SLC6A20: variants seen among roughly 807,000 people sequenced by gnomAD.
The protein encoded by SLC6A20 is solute carrier family 6 member 20, also known as sodium- and chloride-dependent transporter XTRP3.
Under a neutral mutation model 64.3 loss-of-function variants are expected in SLC6A20, and 73 were observed. The observed-to-expected ratio is 1.14, with a 90% confidence interval of 0.94 to 1.38. SLC6A20 has a LOEUF of 1.38. Ranked by LOEUF, SLC6A20 falls within the 40% of genes most tolerant of loss-of-function variation. The pLI, the probability that SLC6A20 is intolerant of heterozygous loss-of-function variation, is 0.00. For synonymous variants in SLC6A20, 347 were observed against 329.6 expected, an observed-to-expected ratio of 1.05 and a Z score of -0.57; for missense variants, 725 against 772.8, an observed-to-expected ratio of 0.94 and a Z score of 0.73.
chr3:45,771,614 C>G, intron 5 of SLC6A20, 156 bp from the exon 6 acceptor site: 1 of 1,146,682 alleles, frequency 8.7e-7, no homozygotes, highest in Non-Finnish European at 1.2e-6. Context: ...TCTCCTGGCC[C>G]CATCCACTCC....
At chr3:45,781,964 G>A in intron 2 of SLC6A20, 119 bp downstream of exon 2, 3 of 1,328,344 alleles carry the variant, frequency 2.3e-6, no homozygotes, top group South Asian at 1.8e-5. Flanking sequence ...CCAGGCAAGA[G>A]CTCTCTCTTG....
intron 1 of SLC6A20, among the ~76,000 whole-genome samples, chr3:45,790,122 C>T (rs920883606): frequency 6.6e-5 from 10 of 152,106 alleles, no homozygotes; most frequent in South Asian, 4.1e-4. Flanking sequence ...CAGAGATGCC[C>T]GCCCGAGTCA....
chr3:45,758,407 T>C lies in SLC6A20; in HGVS notation c.*571A>G, dbSNP rs1418416911. On this transcript the variant is annotated 3_prime_UTR_variant, in exon 11 of 11. Transcript: ENST00000358525. ...CAGAGACCTTAGAGAAAGGATCCCT[T>C]TGGGGGTCCCAGACAAAGATCTTCT... The C allele has an allele frequency of 7.8e-6, 10 of 1,276,644 alleles. No individual in the cohort carries two copies. The highest frequency in any genetic ancestry group is 1.0e-5 in the Non-Finnish European group (10 of 983,324). The allele number at this position is 1,276,644 out of a possible 1,614,324, so 79.1% of individuals were successfully genotyped here.
intron 1 of SLC6A20, among the ~76,000 whole-genome samples, chr3:45,796,025 C>G (rs1057256329): frequency 6.6e-6 from 1 of 152,186 alleles, no homozygotes; most frequent in Non-Finnish European, 1.5e-5. Context: ...CTCTCAGAGC[C>G]GCAGCCTGGC....
chr3:45,758,983 C>T lies in SLC6A20; in HGVS notation c.1774G>A (p.Ala592Thr). 1 of 1,605,156 alleles carries T rather than the reference C, an allele frequency of 6.2e-7. No individual in the cohort carries two copies. Among genetic ancestry groups the T allele is most frequent in the Middle Eastern group, 1.7e-4 (1 of 6,016 alleles). The change falls in exon 11 of 11, where the codon GCC becomes ACC. Residue 592 changes from alanine (A) to threonine (T), a missense_variant. Physicochemically the swap from Ala to Thr is moderately conservative, Grantham distance 58. Coordinates refer to ENST00000358525, the MANE Select transcript of SLC6A20 (RefSeq NM_020208.4). ...RLKRGDADPV[A>T] ...GCGGCTGGGAAGCCCACATCTCAGG[C>T]CACGGGGTCTGCGTCTCCCCTCTTG...
At chr3:45,775,109 G>A (rs1233662115) in intron 4 of SLC6A20, among the ~76,000 whole-genome samples, 1 of 152,156 alleles carries the variant, frequency 6.6e-6, no homozygotes, top group Non-Finnish European at 1.5e-5. Context: ...TAGAGATGAA[G>A]GAACATGTCA....
intron 3 of SLC6A20, 35 bp downstream of exon 3, chr3:45,779,971 GCTC>G: frequency 6.4e-7 from 1 of 1,559,972 alleles, no homozygotes; most frequent in South Asian, 1.2e-5. Flanking sequence ...TCCCTTTCTC[GCTC>G]CTACTCCTGT....
rs532126121 is a variant in SLC6A20 at position 45,762,978 on chromosome 3, T to A, written c.1398A>T (p.Thr466=). 1.9e-6 allele frequency: 3 copies of A among 1,614,122 alleles called. No individual in the cohort carries two copies. In the East Asian group the frequency reaches 6.7e-5, roughly 36 times the overall value. ...CCAGCACGATGAGCAGCAGGGACAG[T>A]GTGGCCGCGTAGTCGTTGAATATGT... ...WFDIFNDYAA[T]LSLLLIVLVE... is the part of the protein sequence containing the mutation. Residue 466 remains threonine (T), a synonymous_variant, in exon 9 of 11, where the codon ACA becomes ACT. Transcript: ENST00000358525.
chr3:45,774,343 G>T (rs1465854042), intron 4 of SLC6A20, among the ~76,000 whole-genome samples: 2 of 152,270 alleles, frequency 1.3e-5, no homozygotes, highest in Non-Finnish European at 2.9e-5. Flanking sequence ...TACCTCTGCA[G>T]ATGTTGCCCT....
rs778110631 is a variant in SLC6A20, at chr3:45,775,797, GTACA to G, written c.542_545del (p.Val181AlafsTer51). On this transcript the variant is annotated frameshift_variant, in exon 4 of 11. Transcript: ENST00000358525. LOFTEE classifies it high-confidence loss of function. ...ACTCGGTGCCACGCAGGATGCACAG[GTACA>G]CCACCAGCCAGGCCAGGAGGAGGCA... 2 of 1,614,044 alleles carry G rather than the reference GTACA, an allele frequency of 1.2e-6. No homozygotes were observed. The highest frequency in any genetic ancestry group is 1.7e-6 in the Non-Finnish European group (2 of 1,179,970).
rs1247090869 is a variant in SLC6A20 at position 45,762,959 on chromosome 3, C to T, written c.1417G>A (p.Val473Met). 3.7e-6 allele frequency: 6 copies of T among 1,614,138 alleles called. No homozygotes were observed. In the East Asian group the frequency reaches 6.7e-5, roughly 18 times the overall value. Residue 473 changes from valine to methionine, a missense_variant, in exon 9 of 11, where the codon GTG becomes ATG. Val to Met is a conservative substitution (Grantham distance 21). Transcript: ENST00000358525. ...CACACGGCAATCGTCTCCACCAGCA[C>T]GATGAGCAGCAGGGACAGTGTGGCC... ...YAATLSLLLI[V>M]LVETIAVCYV...
At chr3:45,760,486 C>A (rs375634392) in intron 9 of SLC6A20, among the ~76,000 whole-genome samples, 7 of 149,812 alleles carry the variant, frequency 4.7e-5, no homozygotes, top group East Asian at 2.1e-4. Flanking sequence ...AGCAGAATCA[C>A]TTGGTCCATT....
chr3:45,758,742 T>C lies in SLC6A20; in HGVS notation c.*236A>G. The C allele has an allele frequency of 1.5e-6, 2 of 1,298,146 alleles. No individual in the cohort carries two copies. Among genetic ancestry groups the C allele is most frequent in the Non-Finnish European group, 2.0e-6 (2 of 1,024,430 alleles). 80.4% of individuals were successfully genotyped at this position (1,298,146 alleles called of 1,614,324 possible). On this transcript the variant is annotated 3_prime_UTR_variant, in exon 11 of 11. Transcript: ENST00000358525. Reference sequence around the variant, plus strand: ...ATGCAGTTATCTTTGAGACCGGCTTTCATAGCCCACCCCCTTCCATGATGA... The same window carrying C: ...ATGCAGTTATCTTTGAGACCGGCTTCCATAGCCCACCCCCTTCCATGATGA...
At position 45,758,691 on chromosome 3, in the gene SLC6A20, ATTCT is replaced by A. The variant is rs1331729865; in HGVS notation, c.*283_*286del. On this transcript the variant is annotated 3_prime_UTR_variant, in exon 11 of 11. Coordinates refer to ENST00000358525, the MANE Select transcript of SLC6A20 (RefSeq NM_020208.4). ...ATATTTCAGTTTGCAATGTGCCCTAATTCTAGGGCTTTCCTGGAATGAAGGATGC... is the reference window on the plus strand; with the variant it reads ...ATATTTCAGTTTGCAATGTGCCCTAAAGGGCTTTCCTGGAATGAAGGATGC... 1.6e-6 allele frequency: 2 copies of A among 1,220,722 alleles called. No individual in the cohort carries two copies. Among genetic ancestry groups the A allele is most frequent in the Non-Finnish European group, 2.0e-6 (2 of 977,318 alleles). 75.6% of individuals were successfully genotyped at this position (1,220,722 alleles called of 1,614,324 possible).
At chr3:45,779,922 C>T (rs1700041368) in intron 3 of SLC6A20, 87 bp downstream of exon 3, 3 of 1,432,032 alleles carry the variant, frequency 2.1e-6, no homozygotes, top group African/African-American at 1.4e-5. Flanking sequence ...TCACCTTGCC[C>T]CACACCCCCT....
At chr3:45,789,926 A>T (rs1331394954) in intron 1 of SLC6A20, among the ~76,000 whole-genome samples, 1 of 152,156 alleles carries the variant, frequency 6.6e-6, no homozygotes, top group East Asian at 1.9e-4. Flanking sequence ...CACTCATTAC[A>T]TTTATAACCC....
At chr3:45,764,019 A>G (rs1250156718) in intron 8 of SLC6A20, among the ~76,000 whole-genome samples, 1 of 152,076 alleles carries the variant, frequency 6.6e-6, no homozygotes, top group African/African-American at 2.4e-5. Flanking sequence ...GGCAACTCCA[A>G]CTGGAGTGGT....
chr3:45,758,365 G>C lies in SLC6A20; in HGVS notation c.*613C>G. 5.7e-6 allele frequency: 7 copies of C among 1,219,746 alleles called. No individual in the cohort carries two copies. Among genetic ancestry groups the C allele is most frequent in the Non-Finnish European group, 7.5e-6 (7 of 933,082 alleles). The allele number at this position is 1,219,746 out of a possible 1,614,324, so 75.6% of individuals were successfully genotyped here. A position where few individuals can be genotyped will look rare whatever the true frequency, so the allele number is the denominator to read the frequency against. On this transcript the variant is annotated 3_prime_UTR_variant, in exon 11 of 11. Transcript: ENST00000358525. ...GGGGCAATTTTTTGTAGAGAGGTCT[G>C]GTCCTGGACCCACCGTCAGAGACCT...
intron 4 of SLC6A20, among the ~76,000 whole-genome samples, chr3:45,773,076 C>T (rs1699903593): frequency 6.6e-6 from 1 of 152,088 alleles, no homozygotes; most frequent in South Asian, 2.1e-4. Context: ...AGTTTCTGAG[C>T]CAGATTCAGC....
Sources: gnomAD v4.1 joint callset for allele counts (sites outside exome capture counted in the v4.1 genomes callset) on GRCh38, gnomAD v4.1.1 for gene constraint, MANE v1.5 for transcripts, NCBI Gene and HGNC (gene_info 2026-07-23, HGNC 2026-07-21) for gene names.